The following CEACAM16 variants were observed in gnomAD, a reference collection of about 807,000 sequenced individuals.
CEACAM16 encodes CEA cell adhesion molecule 16, tectorial membrane component, also known as cell adhesion molecule CEACAM16.
CEACAM16 carries 30 observed loss-of-function variants against 39.4 expected under a neutral mutation model. The ratio of observed to expected loss-of-function variants is 0.76; its 90% CI spans 0.57 to 1.03. CEACAM16 has a LOEUF of 1.03. Among genes scored for constraint, CEACAM16 ranks in the 50% least tolerant of loss-of-function variants. The probability of loss-of-function intolerance (pLI) is 0.00; values close to 1 mark genes in which losing one functional copy is unlikely to be tolerated. For synonymous variants in CEACAM16, 262 were observed against 264.9 expected, an observed-to-expected ratio of 0.99 and a Z score of 0.11; for missense variants, 521 against 585.3, an observed-to-expected ratio of 0.89 and a Z score of 1.13.
chr19:44,709,732 C>T (rs1281380357), intron 6 of CEACAM16, among the ~76,000 whole-genome samples: 2 of 145,310 alleles, frequency 1.4e-5, no homozygotes, highest in African/African-American at 5.1e-5. Flanking sequence ...GGGACCATGT[C>T]TCCTCCATCA....
rs1311466693 is a variant in CEACAM16, at chr19:44,704,344, G to C, written c.661+48G>C. ...GAGATACCCAGTGTCCAAACCTCAT[G>C]GATGGGGAAACTGAGGCCAGGAGAG... On this transcript the variant is annotated intron_variant, in intron 4 of 6. Coordinates refer to ENST00000587331, the MANE Select transcript of CEACAM16 (RefSeq NM_001039213.4). 3 of 1,443,444 alleles carry C rather than the reference G, an allele frequency of 2.1e-6. No individual in the cohort carries two copies. In the South Asian group the frequency reaches 4.3e-5, roughly 21 times the overall value. 89.4% of individuals were successfully genotyped at this position (1,443,444 alleles called of 1,614,324 possible). A position where few individuals can be genotyped will look rare whatever the true frequency, so the allele number is the denominator to read the frequency against.
At position 44,704,307 on chromosome 19, in the gene CEACAM16, C is replaced by T. The variant is rs963331022; in HGVS notation, c.661+11C>T. The T allele has an allele frequency of 1.3e-6, 2 of 1,481,926 alleles. No individual in the cohort carries two copies. Among genetic ancestry groups the T allele is most frequent in the African/African-American group, 2.8e-5 (2 of 71,942 alleles). 91.8% of individuals were successfully genotyped at this position (1,481,926 alleles called of 1,614,324 possible). On this transcript the variant is annotated intron_variant, in intron 4 of 6. Transcript: ENST00000587331. Reference sequence around the variant, plus strand: ...ACCTGACCGTGTACTGTGAGTCCTCCTGGCCCCACTGGAGATACCCAGTGT... The same window carrying T: ...ACCTGACCGTGTACTGTGAGTCCTCTTGGCCCCACTGGAGATACCCAGTGT...
chr19:44,704,831 T>C (rs375070831), intron 4 of CEACAM16, among the ~76,000 whole-genome samples: 2 of 152,050 alleles, frequency 1.3e-5, no homozygotes, highest in East Asian at 1.9e-4. Flanking sequence ...ACCTTTACTA[T>C]TGAATAATCC....
At chr19:44,706,310 A>ACT (rs1223976930) in intron 5 of CEACAM16, among the ~76,000 whole-genome samples, 1 of 144,938 alleles carries the variant, frequency 6.9e-6, no homozygotes, top group South Asian at 2.2e-4. Context: ...ACACACACAC[A>ACT]CAACTGAAGA....
rs141088472 is a variant in CEACAM16 at position 44,701,203 on chromosome 19, G to A, written c.-96-158G>A. Among the ~76,000 whole-genome samples, 6 of 152,276 alleles carry A rather than the reference G, an allele frequency of 3.9e-5. No individual in the cohort carries two copies. The East Asian group carries it at 1.2e-3, about 29-fold the overall frequency. On this transcript the variant is annotated intron_variant, in intron 1 of 6. Transcript: ENST00000587331. This position sits in a 1 kb window ranked among gnomAD's most constrained non-coding sequence, Gnocchi z 4.0. ...AATCCAGGCCCTCGGCACAAAGAGG[G>A]TTAGGCGGCTGCCCCAGGAGGCCTG...
chr19:44,701,499 C>T lies in CEACAM16; in HGVS notation c.37+6C>T, dbSNP rs1409282312. The T allele has an allele frequency of 1.7e-5, 26 of 1,562,964 alleles. 1 individual carries two copies. The highest frequency in any genetic ancestry group is 3.5e-5 in the South Asian group (3 of 84,816). On this transcript the variant is annotated splice_donor_region_variant and intron_variant, in intron 2 of 6. Coordinates refer to ENST00000587331, the MANE Select transcript of CEACAM16 (RefSeq NM_001039213.4). This position sits in a 1 kb window ranked among gnomAD's most constrained non-coding sequence, Gnocchi z 4.0. The stretch of plus-strand genomic sequence containing the variant: ...CAGCTGGCTGCTCCTCAGTGGTGAG[C>T]GAGAATGGCACCCCCCAGCACCTCA...
At chr19:44,705,315 T>C (rs1405819076) in intron 4 of CEACAM16, among the ~76,000 whole-genome samples, 1 of 152,182 alleles carries the variant, frequency 6.6e-6, no homozygotes, top group African/African-American at 2.4e-5. Flanking sequence ...ATTTAGGCTT[T>C]TTTTATTTGT....
At position 44,710,521 on chromosome 19, in the gene CEACAM16, A is replaced by G; in HGVS notation, c.*15A>G. The G allele has an allele frequency of 2.5e-6, 4 of 1,613,684 alleles. No homozygotes were observed. Among genetic ancestry groups the G allele is most frequent in the Non-Finnish European group, 3.4e-6 (4 of 1,179,698 alleles). On this transcript the variant is annotated 3_prime_UTR_variant, in exon 7 of 7. Coordinates refer to ENST00000587331, the MANE Select transcript of CEACAM16 (RefSeq NM_001039213.4). ...CCCTGGGGTAACAGCGTGACCCTGGAGACGTCCAGAGAGAAGAGCTCTTCG... is the reference window on the plus strand; with the variant it reads ...CCCTGGGGTAACAGCGTGACCCTGGGGACGTCCAGAGAGAAGAGCTCTTCG...
At chr19:44,707,837 C>T (rs762603216) in intron 5 of CEACAM16, 24 bp from the exon 6 acceptor site, 7 of 1,493,810 alleles carry the variant, frequency 4.7e-6, no homozygotes, top group Non-Finnish European at 6.3e-6. Context: ...CCAAACTGAC[C>T]CAGCCCGCTC....
chr19:44,705,530 T>C, intron 4 of CEACAM16, 60 bp from the exon 5 acceptor site: 17 of 1,512,280 alleles, frequency 1.1e-5, no homozygotes, highest in Non-Finnish European at 1.4e-5. Flanking sequence ...AAACCAGGGG[T>C]ACCAACCTCC....
At chr19:44,710,395 C>T in intron 6 of CEACAM16, 101 bp from the exon 7 acceptor site, 1 of 1,369,594 alleles carries the variant, frequency 7.3e-7, no homozygotes, top group Non-Finnish European at 1.0e-6. Context: ...CACTGGGTGG[C>T]CCGGGGTGGG....
At position 44,703,682 on chromosome 19, in the gene CEACAM16, T is replaced by C; in HGVS notation, c.371T>C (p.Val124Ala). The change falls in exon 3 of 7, where the codon GTG becomes GCG. Residue 124 changes from valine (V) to alanine (A), a missense_variant. Transcript: ENST00000587331. ...CAGACCGAGGTGGGCTACGGACACG[T>C]GCAGGTCCATGGTGAGACACCCCCC... The part of the protein sequence containing the change: ...QLQTEVGYGH[V>A]QVHEILAQPT... 6.5e-7 allele frequency: 1 copy of C among 1,535,874 alleles called. No individual in the cohort carries two copies. Among genetic ancestry groups the C allele is most frequent in the Non-Finnish European group, 8.8e-7 (1 of 1,135,610 alleles).
chr19:44,701,284 G>T lies in CEACAM16; in HGVS notation c.-96-77G>T, dbSNP rs1974340894. ...CACACCCACCCTGGTACCCAAACCG[G>T]GCCCCAGATCCTTGGTGACTCGATC... On this transcript the variant is annotated intron_variant, in intron 1 of 6. Coordinates refer to ENST00000587331, the MANE Select transcript of CEACAM16 (RefSeq NM_001039213.4). This position sits in a 1 kb window ranked among gnomAD's most constrained non-coding sequence, Gnocchi z 4.0. The T allele has an allele frequency of 3.9e-6, 3 of 760,018 alleles. No homozygotes were observed. Among genetic ancestry groups the T allele is most frequent in the Admixed American group, 4.1e-5 (2 of 48,424 alleles). The allele number at this position is 760,018 out of a possible 1,614,324, so 47.1% of individuals were successfully genotyped here. A position where few individuals can be genotyped will look rare whatever the true frequency, so the allele number is the denominator to read the frequency against.
At chr19:44,707,077 T>C (rs557543499) in intron 5 of CEACAM16, among the ~76,000 whole-genome samples, 1 of 152,324 alleles carries the variant, frequency 6.6e-6, no homozygotes, top group East Asian at 1.9e-4. Flanking sequence ...CCTAGTCAGA[T>C]GGAGGAGACA....
Position 44,708,135 on chromosome 19 carries a change from T to C in CEACAM16, c.1215T>C (p.Thr405=), listed in dbSNP as rs61744497. 0.86 allele frequency: 1,377,408 copies of C among 1,606,178 alleles called. 591,867 individuals are homozygous for C. The highest frequency in any genetic ancestry group is 0.97 in the African/African-American group (72,661 of 74,888). The change falls in exon 6 of 7, where the codon ACT becomes ACC. Residue 405 remains threonine (T), a synonymous_variant. Transcript: ENST00000587331. The part of the protein sequence containing the change: ...LTDTGRYTLK[T]VTVQGKTETL... ...ACACTGGCCGCTACACACTCAAGAC[T>C]GTCACAGTGCAGGGCAAGACTGAGA...
intron 5 of CEACAM16, among the ~76,000 whole-genome samples, chr19:44,706,706 G>C (rs967421866): frequency 6.6e-6 from 1 of 152,180 alleles, no homozygotes; most frequent in African/African-American, 2.4e-5. Context: ...GAGACAGGGG[G>C]ATGGACCAGA....
intron 1 of CEACAM16, among the ~76,000 whole-genome samples, chr19:44,700,133 G>C (rs1421960019): frequency 6.6e-6 from 1 of 152,216 alleles, no homozygotes; most frequent in African/African-American, 2.4e-5. Flanking sequence ...AGCCTCTCGA[G>C]TAGCTGGGAC....
At chr19:44,703,990 C>T (rs762421371) in intron 3 of CEACAM16, 28 bp from the exon 4 acceptor site, 6 of 1,556,294 alleles carry the variant, frequency 3.9e-6, no homozygotes, top group Non-Finnish European at 5.2e-6. Flanking sequence ...TGTCCGGCCC[C>T]CTCCCCCTCT....
rs780505743 is a variant in CEACAM16 at position 44,705,635 on chromosome 19, C to T, written c.707C>T (p.Thr236Ile). 2 of 1,611,418 alleles carry T rather than the reference C, an allele frequency of 1.2e-6. No homozygotes were observed. The highest frequency in any genetic ancestry group is 1.7e-6 in the Non-Finnish European group (2 of 1,177,714). Residue 236 changes from threonine (T) to isoleucine (I), a missense_variant, in exon 5 of 7, where the codon ACA (threonine) becomes ATA (isoleucine). Physicochemically the swap from Thr to Ile is moderately conservative, Grantham distance 89. Coordinates refer to ENST00000587331, the MANE Select transcript of CEACAM16 (RefSeq NM_001039213.4). ...VAILQDSTTR[T>I]GCTIKVDFNT... The stretch of plus-strand genomic sequence containing the variant: ...ATCCTCCAGGATTCCACCACCCGCA[C>T]AGGCTGCACCATCAAAGTTGACTTC...
Sources: allele counts gnomAD v4.1 joint callset (sites outside exome capture counted in the v4.1 genomes callset), GRCh38; gene constraint gnomAD v4.1.1; non-coding constraint Gnocchi (gnomAD v3.1); transcripts MANE v1.5; gene names NCBI Gene and HGNC (gene_info 2026-07-23, HGNC 2026-07-21).